The following TNFSF11 variants were observed in gnomAD, a reference collection of about 807,000 sequenced individuals.
TNFSF11 encodes the protein TNF superfamily member 11.
A neutral mutation model predicts 32.2 loss-of-function variants in TNFSF11; 12 were observed. The observed-to-expected ratio is 0.37, with a 90% CI of 0.24 to 0.60. The LOEUF is 0.60. Among genes scored for constraint, TNFSF11 ranks in the 20% least tolerant of loss-of-function variants. TNFSF11 has a pLI of 0.66. For synonymous variants in TNFSF11, 172 were observed against 152.1 expected (o/e 1.13, Z -0.96); for missense variants, 345 against 398.0 (o/e 0.87, Z 1.13).
In TNFSF11 at chr13:42,574,290, G is replaced by C. The variant is rs997826724; in HGVS notation, c.-14G>C. Reference sequence around the variant, plus strand: ...GAGAGGGAGGAGAGCTCCGAAGCGAGAGGGCCGAGCGCCATGCGCCGCGCC... The same window carrying C: ...GAGAGGGAGGAGAGCTCCGAAGCGACAGGGCCGAGCGCCATGCGCCGCGCC... On this transcript the variant is annotated 5_prime_UTR_variant, in exon 1 of 5. Coordinates refer to ENST00000398795, the MANE Select transcript of TNFSF11 (RefSeq NM_003701.4). 2 of 1,546,388 alleles carry C rather than the reference G, an allele frequency of 1.3e-6. No individual in the cohort carries two copies. The highest frequency in any genetic ancestry group is 1.7e-6 in the Non-Finnish European group (2 of 1,145,912).
At chr13:42,574,031 C>A, upstream of TNFSF11, 1 of 523,810 alleles carries the variant, frequency 1.9e-6, no homozygotes, top group Non-Finnish European at 3.4e-6. Flanking sequence ...AGAGGGAGGG[C>A]GAAAGGAAGG....
chr13:42,568,162 G>A (rs1459130568), intron 2 of TNFSF11, among the ~76,000 whole-genome samples: 1 of 152,210 alleles, frequency 6.6e-6, no homozygotes, highest in Non-Finnish European at 1.5e-5. Flanking sequence ...ACTGTGGGAC[G>A]CACGTAACAT....
chr13:42,580,802 GC>G (rs897817085), intron 1 of TNFSF11, among the ~76,000 whole-genome samples: 10 of 152,070 alleles, frequency 6.6e-5, no homozygotes, highest in African/African-American at 2.4e-4. Context: ...TTTCCTTGGT[GC>G]CCCTCCCCTC....
chr13:42,597,515 C>T (rs1868884951), intron 2 of TNFSF11, among the ~76,000 whole-genome samples: 1 of 148,738 alleles, frequency 6.7e-6, no homozygotes, highest in South Asian at 2.1e-4. Flanking sequence ...GACAAACTTT[C>T]CCTGTCCGTT....
chr13:42,604,014 G>A (rs973424326), intron 4 of TNFSF11, among the ~76,000 whole-genome samples: 9 of 152,158 alleles, frequency 5.9e-5, no homozygotes, highest in African/African-American at 1.4e-4. Flanking sequence ...AATGGTAATC[G>A]GTCAAGGTTC....
chr13:42,577,148 C>T (rs548171954), intron 1 of TNFSF11, among the ~76,000 whole-genome samples: 3 of 152,136 alleles, frequency 2.0e-5, no homozygotes, highest in African/African-American at 7.2e-5. Flanking sequence ...TTGTAGTTTA[C>T]AGTTAAAAAT....
At chr13:42,601,615 G>A (rs1367215525) in intron 4 of TNFSF11, among the ~76,000 whole-genome samples, 1 of 152,088 alleles carries the variant, frequency 6.6e-6, no homozygotes, top group African/African-American at 2.4e-5. Flanking sequence ...TTCACCATGG[G>A]CTAGATAGCT....
chr13:42,602,431 T>G (rs1869229007), intron 4 of TNFSF11, among the ~76,000 whole-genome samples: 1 of 152,236 alleles, frequency 6.6e-6, no homozygotes, highest in African/African-American at 2.4e-5. Flanking sequence ...GAAAGAAAGT[T>G]CAAGTTTTGC....
At chr13:42,570,726 C>G (rs1873034800), upstream of TNFSF11, among the ~76,000 whole-genome samples, 1 of 152,062 alleles carries the variant, frequency 6.6e-6, no homozygotes, top group Non-Finnish European at 1.5e-5. Flanking sequence ...TACAATCACT[C>G]TCAGCTTAGG....
chr13:42,579,128 C>T (rs1473658293), intron 1 of TNFSF11, among the ~76,000 whole-genome samples: 4 of 152,088 alleles, frequency 2.6e-5, no homozygotes, highest in East Asian at 1.9e-4. Flanking sequence ...TGCAGTGGCT[C>T]ATGCCTGTAA....
At chr13:42,597,776 G>A (rs1299742540) in intron 2 of TNFSF11, among the ~76,000 whole-genome samples, 1 of 152,200 alleles carries the variant, frequency 6.6e-6, no homozygotes, top group Non-Finnish European at 1.5e-5. Flanking sequence ...AGGTGGTGGT[G>A]CAATGCATAC....
At chr13:42,567,075 A>C (rs1193525801) in intron 2 of TNFSF11, among the ~76,000 whole-genome samples, 1 of 152,102 alleles carries the variant, frequency 6.6e-6, no homozygotes. Flanking sequence ...ATATGGCAAA[A>C]ATAAGAGTTT....
At chr13:42,602,783 A>G (rs1227131636) in intron 4 of TNFSF11, among the ~76,000 whole-genome samples, 6 of 152,262 alleles carry the variant, frequency 3.9e-5, no homozygotes, top group African/African-American at 7.2e-5. Context: ...TGTGTGTGCT[A>G]TTAATGTTCC....
chr13:42,598,125 G>A (rs1868922394), intron 2 of TNFSF11, among the ~76,000 whole-genome samples: 1 of 152,140 alleles, frequency 6.6e-6, no homozygotes, highest in African/African-American at 2.4e-5. Context: ...AGGATTACAA[G>A]CATGAGCCAT....
intron 4 of TNFSF11, among the ~76,000 whole-genome samples, chr13:42,603,228 T>G (rs1310216204): frequency 6.6e-6 from 1 of 152,242 alleles, no homozygotes; most frequent in Non-Finnish European, 1.5e-5. Context: ...ATATCTTAGA[T>G]GAAATGCGTT....
chr13:42,577,902 A>G (rs1262680700), intron 1 of TNFSF11, among the ~76,000 whole-genome samples: 2 of 152,256 alleles, frequency 1.3e-5, no homozygotes, highest in Non-Finnish European at 2.9e-5. Flanking sequence ...TTAACAGTCC[A>G]TTTTAAGTCA....
chr13:42,577,968 G>C lies in TNFSF11; in HGVS notation c.220-3158G>C, dbSNP rs151035489. Among the ~76,000 whole-genome samples the C allele has an allele frequency of 1.7e-4, 26 of 152,276 alleles. No individual in the cohort carries two copies. In the East Asian group the frequency reaches 4.8e-3, roughly 28 times the overall value. ...CGTGTCTAAGTACAATGAATTCATT[G>C]GTTACTCAGTTTACTGTGACTTTTG... On this transcript the variant is annotated intron_variant, in intron 1 of 4. Transcript: ENST00000398795.
At chr13:42,574,557 G>A (rs767704544) in intron 1 of TNFSF11, 35 bp downstream of exon 1, 1 of 1,593,866 alleles carries the variant, frequency 6.3e-7, no homozygotes, top group Non-Finnish European at 8.5e-7. Flanking sequence ...TCGCGGCTGA[G>A]AGCGCCCATC....
chr13:42,607,533 G>T lies in TNFSF11; in HGVS notation c.*615G>T, dbSNP rs199983878. On this transcript the variant is annotated 3_prime_UTR_variant, in exon 5 of 5. Coordinates refer to ENST00000398795, the MANE Select transcript of TNFSF11 (RefSeq NM_003701.4). ...TTAAATGTACAGACATATTTAACTG[G>T]TGCACTTTGTAAATTCCCTGGGGAA... The T allele has an allele frequency of 2.0e-5, 3 of 152,712 alleles. No individual in the cohort carries two copies. The highest frequency in any genetic ancestry group is 2.0e-4 in the Admixed American group (3 of 15,272). The allele number at this position is 152,712 out of a possible 1,614,324, so 9.5% of individuals were successfully genotyped here. A position where few individuals can be genotyped will look rare whatever the true frequency, so the allele number is the denominator to read the frequency against.
Sources: gnomAD v4.1 joint callset for allele counts (sites outside exome capture counted in the v4.1 genomes callset) on GRCh38, gnomAD v4.1.1 for gene constraint, MANE v1.5 for transcripts, NCBI Gene and HGNC (gene_info 2026-07-23, HGNC 2026-07-21) for gene names.